The following CDH8 variants were observed in gnomAD, a reference collection of about 807,000 sequenced individuals.
CDH8 encodes cadherin 8, also known as cadherin-8.
Under a neutral mutation model 68.1 loss-of-function variants are expected in CDH8, and 17 were observed. That is an observed-to-expected ratio of 0.25 (90% CI 0.17 to 0.37). The LOEUF (loss-of-function observed/expected upper bound fraction) is 0.37. Among genes scored for constraint, CDH8 ranks in the 10% least tolerant of loss-of-function variants. CDH8 has a pLI of 1.00. For missense variants in CDH8, 763 were observed against 999.3 expected, an observed-to-expected ratio of 0.76 and a Z score of 3.19; for synonymous variants, 372 against 365.1, an observed-to-expected ratio of 1.02 and a Z score of -0.21.
chr16:61,817,809 G>A (rs1962115636), intron 6 of CDH8, 77 bp from the exon 7 acceptor site: 3 of 1,415,018 alleles, frequency 2.1e-6, no homozygotes, highest in African/African-American at 1.4e-5. Context: ...AATGCTGATG[G>A]ATGAAAGTTA....
chr16:61,961,862 G>T (rs1448172736), intron 2 of CDH8, among the ~76,000 whole-genome samples: 2 of 152,108 alleles, frequency 1.3e-5, no homozygotes, highest in African/African-American at 4.8e-5. Context: ...ACAATACAAG[G>T]ATTAGGGGTC....
intron 10 of CDH8, among the ~76,000 whole-genome samples, chr16:61,679,512 G>A (rs1015805163): frequency 2.0e-5 from 3 of 151,904 alleles, no homozygotes; most frequent in African/African-American, 4.8e-5. Flanking sequence ...TTTCATGCCC[G>A]TAATAATGAA....
chr16:61,757,750 C>T lies in CDH8; in HGVS notation c.1415-30535G>A, dbSNP rs537376133. ...TGATGGCCACCACCAATTTGCCAGC[C>T]ATATGATTGAGCCATGTTGGAACTG... On this transcript the variant is annotated intron_variant, in intron 8 of 11. Coordinates refer to ENST00000577390, the MANE Select transcript of CDH8 (RefSeq NM_001796.5). Among the ~76,000 whole-genome samples, 3 of 152,232 alleles carry T rather than the reference C, an allele frequency of 2.0e-5. No individual in the cohort carries two copies. In the South Asian group the frequency reaches 6.2e-4, roughly 32 times the overall value.
At chr16:61,998,499 A>G (rs925718229) in intron 2 of CDH8, among the ~76,000 whole-genome samples, 1 of 152,164 alleles carries the variant, frequency 6.6e-6, no homozygotes, top group Admixed American at 6.5e-5. Flanking sequence ...TCGATCTAGC[A>G]TACTGTCTTC....
chr16:61,699,211 A>C (rs1159701149), intron 10 of CDH8, among the ~76,000 whole-genome samples: 1 of 152,178 alleles, frequency 6.6e-6, no homozygotes, highest in Non-Finnish European at 1.5e-5. Context: ...GGTCCTGGTA[A>C]GAGAAGTTCT....
intron 8 of CDH8, among the ~76,000 whole-genome samples, chr16:61,738,503 A>G (rs1959769546): frequency 1.3e-5 from 2 of 152,164 alleles, no homozygotes; most frequent in African/African-American, 4.8e-5. Flanking sequence ...CGATGGGGAA[A>G]AGATTTAGAG....
intron 2 of CDH8, among the ~76,000 whole-genome samples, chr16:62,017,808 A>C (rs2150609631): frequency 6.6e-6 from 1 of 151,550 alleles, no homozygotes; most frequent in East Asian, 1.9e-4. Flanking sequence ...CTTTGCATAA[A>C]CTCCTCTATC....
At chr16:61,864,926 T>C (rs1039304944) in intron 3 of CDH8, among the ~76,000 whole-genome samples, 2 of 152,200 alleles carry the variant, frequency 1.3e-5, no homozygotes, top group African/African-American at 4.8e-5. Context: ...GCCAGTTGAA[T>C]AAGAGGCAGA....
At chr16:61,781,717 G>C (rs1961061276) in intron 8 of CDH8, among the ~76,000 whole-genome samples, 1 of 152,104 alleles carries the variant, frequency 6.6e-6, no homozygotes, top group Non-Finnish European at 1.5e-5. Flanking sequence ...TTTTTATAAA[G>C]CCTTAAGTCA....
At chr16:61,866,472 A>C (rs1963254566) in intron 3 of CDH8, among the ~76,000 whole-genome samples, 1 of 152,084 alleles carries the variant, frequency 6.6e-6, no homozygotes, top group African/African-American at 2.4e-5. Flanking sequence ...TATTTTCTCG[A>C]AGGCAGCATG....
intron 8 of CDH8, among the ~76,000 whole-genome samples, chr16:61,787,813 T>C (rs1596967918): frequency 2.0e-5 from 3 of 149,826 alleles, no homozygotes; most frequent in South Asian, 4.2e-4. Context: ...AAATTGGAAA[T>C]CATCATTCTC....
intron 10 of CDH8, 143 bp from the exon 11 acceptor site, chr16:61,655,864 G>A (rs1380292782): frequency 1.8e-5 from 12 of 669,686 alleles, no homozygotes; most frequent in Non-Finnish European, 2.7e-5. Context: ...TCCCTGACTC[G>A]TCTCCGCACT....
intron 2 of CDH8, among the ~76,000 whole-genome samples, chr16:61,986,839 G>C (rs1376715542): frequency 6.6e-6 from 1 of 152,120 alleles, no homozygotes; most frequent in Non-Finnish European, 1.5e-5. Flanking sequence ...TCAAGAAGAG[G>C]CATCAGGATA....
intron 3 of CDH8, among the ~76,000 whole-genome samples, chr16:61,891,040 C>T (rs1003607388): frequency 1.3e-5 from 2 of 151,780 alleles, no homozygotes; most frequent in Non-Finnish European, 2.9e-5. Context: ...CTTTCCTATG[C>T]TATTCTACAT....
intron 8 of CDH8, among the ~76,000 whole-genome samples, chr16:61,751,404 A>AAC (rs1555507514): frequency 6.7e-6 from 1 of 150,140 alleles, no homozygotes; most frequent in Non-Finnish European, 1.5e-5. Context: ...AAAAAAAAAA[A>AAC]AAAAAAACAA....
chr16:61,784,437 C>T, intron 8 of CDH8, among the ~76,000 whole-genome samples: 1 of 150,354 alleles, frequency 6.7e-6, no homozygotes, highest in African/African-American at 2.4e-5. Context: ...ATTCATGAAG[C>T]AAGTCCTGAG....
Position 62,021,575 on chromosome 16 carries a change from C to G in CDH8, c.-172G>C. The G allele has an allele frequency of 7.4e-7, 1 of 1,357,164 alleles. No individual in the cohort carries two copies. The allele number at this position is 1,357,164 out of a possible 1,614,324, so 84.1% of individuals were successfully genotyped here. ...AAGCAGCTTTTCTAAGACCACAATC[C>G]ATTGGCTTTTCTTTTCATTGAAATT... On this transcript the variant is annotated 5_prime_UTR_variant, in exon 2 of 12. It removes an upstream start codon present in the reference 5' UTR. Transcript: ENST00000577390.
At chr16:61,924,331 T>C (rs1485917663) in intron 2 of CDH8, among the ~76,000 whole-genome samples, 2 of 152,202 alleles carry the variant, frequency 1.3e-5, no homozygotes, top group Non-Finnish European at 2.9e-5. Context: ...CTTTAACAAT[T>C]ATTTATAATA....
At chr16:61,703,803 G>T (rs544036021) in intron 10 of CDH8, among the ~76,000 whole-genome samples, 1 of 152,112 alleles carries the variant, frequency 6.6e-6, no homozygotes, top group Non-Finnish European at 1.5e-5. Flanking sequence ...TCGTGCCACT[G>T]CACTCCAGGC....
Sources: gnomAD v4.1 joint callset for allele counts (sites outside exome capture counted in the v4.1 genomes callset) on GRCh38, gnomAD v4.1.1 for gene constraint, MANE v1.5 for transcripts, NCBI Gene and HGNC (gene_info 2026-07-23, HGNC 2026-07-21) for gene names.